The following AGT variants were observed in gnomAD, a reference collection of about 807,000 sequenced individuals.
AGT encodes alpha-1 antiproteinase, antitrypsin.
A neutral mutation model predicts 28.1 loss-of-function variants in AGT; 26 were observed. The ratio of observed to expected loss-of-function variants is 0.92; its 90% CI spans 0.68 to 1.28. AGT has a LOEUF of 1.28. Among genes scored for constraint, AGT ranks in the 50% most tolerant of loss-of-function variants. The pLI, the probability that AGT is intolerant of heterozygous loss-of-function variation, is 0.00. For synonymous variants in AGT, 259 were observed against 259.6 expected, an observed-to-expected ratio of 1.00 and a Z score of 0.02; for missense variants, 596 against 592.3, an observed-to-expected ratio of 1.01 and a Z score of -0.06.
intron 1 of AGT, among the ~76,000 whole-genome samples, chr1:230,720,761 C>T (rs1209256610): frequency 6.6e-6 from 1 of 152,172 alleles, no homozygotes; most frequent in Non-Finnish European, 1.5e-5. Context: ...CCAATCAACA[C>T]ATACTCCCCA....
At position 230,730,811 on chromosome 1, in the gene AGT, A is replaced by G. The variant is rs376230754; in HGVS notation, c.-31+14704T>C. Reference sequence around the variant, plus strand: ...TGCCCACAGCTGTTGAAGAAAGAAAATAACTTTTATCTGAGGGATGTGAGC... The same window carrying G: ...TGCCCACAGCTGTTGAAGAAAGAAAGTAACTTTTATCTGAGGGATGTGAGC... On this transcript the variant is annotated intron_variant, in intron 1 of 4. Coordinates refer to the AGT transcript ENST00000681269. 3.0e-4 allele frequency among the ~76,000 whole-genome samples: 45 copies of G among 152,310 alleles called. No individual in the cohort carries two copies. The South Asian group carries it at 4.6e-3, about 15-fold the overall frequency.
At chr1:230,724,814 A>G (rs1285960141) in intron 1 of AGT, among the ~76,000 whole-genome samples, 2 of 152,210 alleles carry the variant, frequency 1.3e-5, no homozygotes, top group Admixed American at 6.5e-5. Flanking sequence ...TAACAGAGTA[A>G]GACATTGTCA....
In AGT at chr1:230,720,705, C is replaced by A. The variant is rs145503781; in HGVS notation, c.-30-9852G>T. 3.1e-3 allele frequency among the ~76,000 whole-genome samples: 475 copies of A among 152,324 alleles called. 11 individuals carry two copies. The highest frequency in any genetic ancestry group is 0.028 in the Admixed American group (424 of 15,304). ...CTGATTTTCTACACTGTCATGCCCACCTTTGAGTAGAGTCTTTGCTTTAAC... is the reference window on the plus strand; with the variant it reads ...CTGATTTTCTACACTGTCATGCCCAACTTTGAGTAGAGTCTTTGCTTTAAC... On this transcript the variant is annotated intron_variant, in intron 1 of 4. Coordinates refer to the AGT transcript ENST00000681269.
chr1:230,738,213 A>G (rs1441485957), intron 1 of AGT, among the ~76,000 whole-genome samples: 2 of 152,254 alleles, frequency 1.3e-5, no homozygotes, highest in Admixed American at 1.3e-4. Context: ...ACAGATACCC[A>G]GGAGTGAAAC....
At chr1:230,744,466 A>G (rs1664305634) in intron 1 of AGT, among the ~76,000 whole-genome samples, 1 of 152,218 alleles carries the variant, frequency 6.6e-6, no homozygotes, top group East Asian at 1.9e-4. Flanking sequence ...GACATTGGGC[A>G]GGAAGAATGA....
At position 230,704,366 on chromosome 1, in the gene AGT, C is replaced by T; in HGVS notation, c.1098-29G>A. On this transcript the variant is annotated intron_variant, in intron 3 of 4. Transcript: ENST00000366667. ...GGGAGATGATGCACAGTTAGGAAGG[C>T]TCCAGGCCACACAGTGAGGGCTCTC... 6 of 1,612,880 alleles carry T rather than the reference C, an allele frequency of 3.7e-6. No individual in the cohort carries two copies. In the South Asian group the frequency reaches 5.5e-5, roughly 15 times the overall value.
chr1:230,725,047 A>G (rs1345525042), intron 1 of AGT, among the ~76,000 whole-genome samples: 1 of 152,228 alleles, frequency 6.6e-6, no homozygotes, highest in Non-Finnish European at 1.5e-5. Context: ...TTAAATGGAA[A>G]AGAATCTATC....
At chr1:230,717,638 C>T (rs74144812), upstream of AGT, among the ~76,000 whole-genome samples, 2,109 of 152,246 alleles carry the variant, frequency 0.014, 57 homozygotes, top group African/African-American at 0.047. Flanking sequence ...ACATCATTTA[C>T]TGGAAAGCAG....
At position 230,710,036 on chromosome 1, in the gene AGT, A is replaced by C; in HGVS notation, c.788T>G (p.Val263Gly). The change falls in exon 2 of 5, where the codon GTG becomes GGG. Residue 263 changes from valine (V) to glycine (G), a missense_variant. Physicochemically the swap from Val to Gly is moderately radical, Grantham distance 109. Transcript: ENST00000366667. Reference sequence around the variant, plus strand: ...GGTGTTGAAAGCCAGGGTGCTGTCCACACTGGCTCCCATCAGGGAGCAGCC... The same window carrying C: ...GGTGTTGAAAGCCAGGGTGCTGTCCCCACTGGCTCCCATCAGGGAGCAGCC... Reference protein sequence around the residue: ...KTGCSLMGASVDSTLAFNTYV... With the variant: ...KTGCSLMGASGDSTLAFNTYV... 1 of 1,614,098 alleles carries C rather than the reference A, an allele frequency of 6.2e-7. No individual in the cohort carries two copies. The highest frequency in any genetic ancestry group is 2.2e-5 in the East Asian group (1 of 44,872).
At chr1:230,732,620 T>C (rs553590578) in intron 1 of AGT, among the ~76,000 whole-genome samples, 2 of 152,360 alleles carry the variant, frequency 1.3e-5, no homozygotes, top group East Asian at 3.9e-4. Context: ...ATGTCGTAGG[T>C]ATTAAATACT....
At chr1:230,737,306 T>TTTATTA (rs543021308) in intron 1 of AGT, among the ~76,000 whole-genome samples, 1 of 151,728 alleles carries the variant, frequency 6.6e-6, no homozygotes, top group Admixed American at 6.6e-5. Flanking sequence ...TTAGAAATTG[T>TTTATTA]TTATTATTAT....
intron 4 of AGT, 23 bp from the exon 5 acceptor site, chr1:230,703,352 A>G (rs778583535): frequency 2.9e-5 from 47 of 1,613,850 alleles, no homozygotes; most frequent in Non-Finnish European, 9.3e-6. Flanking sequence ...AGACATCAGG[A>G]TCATTCTGAG....
At chr1:230,717,713 G>T (rs748438151), upstream of AGT, among the ~76,000 whole-genome samples, 5 of 152,136 alleles carry the variant, frequency 3.3e-5, no homozygotes, top group Non-Finnish European at 7.3e-5. Flanking sequence ...AGTTTTCCTT[G>T]CATGACAAGG....
Position 230,721,868 on chromosome 1 carries a change from A to T in AGT, c.-30-11015T>A, listed in dbSNP as rs187196130. Among the ~76,000 whole-genome samples, 517 of 152,366 alleles carry T rather than the reference A, an allele frequency of 3.4e-3. 6 individuals are homozygous for T. Among genetic ancestry groups the T allele is most frequent in the African/African-American group, 0.011 (448 of 41,584 alleles). On this transcript the variant is annotated intron_variant, in intron 1 of 4. Transcript: ENST00000681269. ...AGTTTTGAATATTTGCATCCTGATGATGGGGTAGAAAATAAAAGAACCATT... is the reference window on the plus strand; with the variant it reads ...AGTTTTGAATATTTGCATCCTGATGTTGGGGTAGAAAATAAAAGAACCATT...
chr1:230,735,005 C>T lies in AGT; in HGVS notation c.-31+10510G>A, dbSNP rs138178813. The stretch of plus-strand genomic sequence containing the variant: ...CTGGGATTACAGATGTGAGCCATCG[C>T]GCCCGGCCATAACTGGCTGTGTTTA... On this transcript the variant is annotated intron_variant, in intron 1 of 4. Transcript: ENST00000681269. 7.8e-4 allele frequency among the ~76,000 whole-genome samples: 118 copies of T among 152,252 alleles called. No homozygotes were observed. In the East Asian group the frequency reaches 0.011, roughly 14 times the overall value.
At chr1:230,744,072 G>T (rs1043030377) in intron 1 of AGT, among the ~76,000 whole-genome samples, 2 of 152,220 alleles carry the variant, frequency 1.3e-5, no homozygotes, top group Admixed American at 6.5e-5. Flanking sequence ...CTCTAGGCTA[G>T]CGACAAGCTG....
chr1:230,722,694 G>T (rs529410282), intron 1 of AGT, among the ~76,000 whole-genome samples: 8 of 152,334 alleles, frequency 5.3e-5, no homozygotes, highest in Admixed American at 3.9e-4. Flanking sequence ...TTTTGGACTT[G>T]CATGGGGCCT....
At chr1:230,729,437 C>A (rs898557387) in intron 1 of AGT, among the ~76,000 whole-genome samples, 1 of 152,236 alleles carries the variant, frequency 6.6e-6, no homozygotes, top group African/African-American at 2.4e-5. Flanking sequence ...TAAGCACTTT[C>A]TCCTCTCTTT....
chr1:230,734,847 C>CT (rs1040421133), intron 1 of AGT, among the ~76,000 whole-genome samples: 1 of 151,988 alleles, frequency 6.6e-6, no homozygotes, highest in Non-Finnish European at 1.5e-5. Flanking sequence ...GTAGCTGGGA[C>CT]TACAGGCGCC....
Sources: gnomAD v4.1 joint callset for allele counts (sites outside exome capture counted in the v4.1 genomes callset) on GRCh38, gnomAD v4.1.1 for gene constraint, MANE v1.5 for transcripts, NCBI Gene and HGNC (gene_info 2026-07-23, HGNC 2026-07-21) for gene names.